The following PRSS16 variants were observed in gnomAD, a reference collection of about 807,000 sequenced individuals.
The protein encoded by PRSS16 is serine protease 16, also known as thymus-specific serine protease.
In PRSS16, 43 loss-of-function variants were observed where a neutral mutation model predicts 61.7. The ratio of observed to expected loss-of-function variants is 0.70; its 90% CI spans 0.55 to 0.90. The LOEUF is 0.90. PRSS16 is among the 40% of genes least tolerant of loss of function. PRSS16 has a pLI of 0.00. For synonymous variants in PRSS16, 273 were observed against 285.2 expected (o/e 0.96, Z 0.43); for missense variants, 591 against 659.1 (o/e 0.90, Z 1.13).
intron 4 of PRSS16, among the ~76,000 whole-genome samples, chr6:27,249,442 T>C (rs565148024): frequency 6.6e-6 from 1 of 152,260 alleles, no homozygotes; most frequent in South Asian, 2.1e-4. Flanking sequence ...TTATCCTGTG[T>C]TCTTTCTATT....
Position 27,255,447 on chromosome 6 carries a change from A to T in PRSS16, c.*132A>T. Reference sequence around the variant, plus strand: ...GGAATTCAGCACCTGTTCCGCACGTAATTGGCATGTGTCTGCAAACATCCT... The same window carrying T: ...GGAATTCAGCACCTGTTCCGCACGTTATTGGCATGTGTCTGCAAACATCCT... On this transcript the variant is annotated 3_prime_UTR_variant, in exon 12 of 12. Transcript: ENST00000230582. The surrounding 1 kb of genome is among the most constrained non-coding windows in gnomAD (Gnocchi z 4.4). The T allele has an allele frequency of 2.2e-6, 2 of 891,072 alleles. No individual in the cohort carries two copies. Among genetic ancestry groups the T allele is most frequent in the Non-Finnish European group, 3.4e-6 (2 of 582,430 alleles). 55.2% of individuals were successfully genotyped at this position (891,072 alleles called of 1,614,324 possible).
chr6:27,250,824 G>A lies in PRSS16; in HGVS notation c.591+18G>A, dbSNP rs1254943847. On this transcript the variant is annotated intron_variant, in intron 5 of 11. Coordinates refer to ENST00000230582, the MANE Select transcript of PRSS16 (RefSeq NM_005865.4). ...GGCTGAAGGTCCTGCGACTCCTCCGGGTGGGCTGGGGGGAGGGAACTCGGA... is the reference window on the plus strand; with the variant it reads ...GGCTGAAGGTCCTGCGACTCCTCCGAGTGGGCTGGGGGGAGGGAACTCGGA... 1 of 1,595,148 alleles carries A rather than the reference G, an allele frequency of 6.3e-7. No individual in the cohort carries two copies. Among genetic ancestry groups the A allele is most frequent in the African/African-American group, 1.3e-5 (1 of 74,486 alleles).
At chr6:27,250,561 C>T in intron 4 of PRSS16, 122 bp from the exon 5 acceptor site, 6 of 1,397,746 alleles carry the variant, frequency 4.3e-6, no homozygotes, top group Non-Finnish European at 5.8e-6. Flanking sequence ...CATGAGAAAA[C>T]GGCCCTGGTT....
At position 27,247,743 on chromosome 6, in the gene PRSS16, C is replaced by T. The variant is rs146400295; in HGVS notation, c.6C>T (p.Ala2=). The change falls in exon 1 of 12, where the codon GCC becomes GCT. Residue 2 remains alanine (A), a synonymous_variant. Transcript: ENST00000230582. The stretch of plus-strand genomic sequence containing the variant: ...AGAACAGAGTCCCGAACACCATGGC[C>T]GTCTGGCTTGCCCAGTGGCTGGGCC... The part of the protein sequence containing the change: M[A]VWLAQWLGPL... 60 of 1,573,824 alleles carry T rather than the reference C, an allele frequency of 3.8e-5. No homozygotes were observed. In the East Asian group the frequency reaches 8.0e-4, roughly 21 times the overall value.
intron 4 of PRSS16, among the ~76,000 whole-genome samples, chr6:27,250,427 C>T (rs1435680817): frequency 6.6e-6 from 1 of 152,212 alleles, no homozygotes; most frequent in Non-Finnish European, 1.5e-5. Context: ...TCCTCTCCTA[C>T]CTAAAACGAG....
In PRSS16 at chr6:27,251,677, G is replaced by A; in HGVS notation, c.718-73G>A. On this transcript the variant is annotated intron_variant, in intron 7 of 11. Coordinates refer to ENST00000230582, the MANE Select transcript of PRSS16 (RefSeq NM_005865.4). This position sits in a 1 kb window ranked among gnomAD's most constrained non-coding sequence, Gnocchi z 5.6. ...AGGGGAAAGTGGGGAACCCAAGGAG[G>A]ACGCAGGTCCTGGGTAGGGAAAGCC... 6.6e-7 allele frequency: 1 copy of A among 1,513,800 alleles called. No homozygotes were observed. The highest frequency in any genetic ancestry group is 8.8e-7 in the Non-Finnish European group (1 of 1,142,208). The allele number at this position is 1,513,800 out of a possible 1,614,324, so 93.8% of individuals were successfully genotyped here. A position where few individuals can be genotyped will look rare whatever the true frequency, so the allele number is the denominator to read the frequency against.
rs374127733 is a variant in PRSS16, at chr6:27,251,857, G to A, written c.825G>A (p.Leu275=). The A allele has an allele frequency of 6.2e-7, 1 of 1,613,224 alleles. No homozygotes were observed. Among genetic ancestry groups the A allele is most frequent in the Non-Finnish European group, 8.5e-7 (1 of 1,179,778 alleles). ...CGGAGCTGAGCGCTTGCGGGCCCCTGGGCCGCGCTGAAAACCAGGCGGAGC... is the reference window on the plus strand; with the variant it reads ...CGGAGCTGAGCGCTTGCGGGCCCCTAGGCCGCGCTGAAAACCAGGCGGAGC... The part of the protein sequence containing the change: ...LRTELSACGP[L]GRAENQAELL... Residue 275 remains leucine (L), a synonymous_variant, in exon 8 of 12, where the codon CTG becomes CTA. Transcript: ENST00000230582. This position sits in a 1 kb window ranked among gnomAD's most constrained non-coding sequence, Gnocchi z 5.6.
Position 27,251,615 on chromosome 6 carries a change from G to GGGGGCGGGGGCCT in PRSS16, c.718-133_718-132insGGCGGGGGCCTGG. On this transcript the variant is annotated intron_variant, in intron 7 of 11. Transcript: ENST00000230582. This position sits in a 1 kb window ranked among gnomAD's most constrained non-coding sequence, Gnocchi z 5.6. ...GGCGGGGGCCTGGGGGCGGGGGCCT[G>GGGGGCGGGGGCCT]GGCCAAGAGCTAGGTCTGCACCCTC... The GGGGGCGGGGGCCT allele has an allele frequency of 8.6e-7, 1 of 1,164,296 alleles. No homozygotes were observed. The highest frequency in any genetic ancestry group is 1.2e-6 in the Non-Finnish European group (1 of 864,632). 72.1% of individuals were successfully genotyped at this position (1,164,296 alleles called of 1,614,324 possible). A position where few individuals can be genotyped will look rare whatever the true frequency, so the allele number is the denominator to read the frequency against.
At chr6:27,253,490 T>C in intron 9 of PRSS16, 1 of 454,534 alleles carries the variant, frequency 2.2e-6, no homozygotes, top group Non-Finnish European at 4.4e-6. Flanking sequence ...CAGAGATCCT[T>C]GTAAATATAA....
In PRSS16 at chr6:27,247,948, G is replaced by A. The variant is rs1581472320; in HGVS notation, c.137G>A (p.Gly46Asp). 6.2e-7 allele frequency: 1 copy of A among 1,606,846 alleles called. No homozygotes were observed. The highest frequency in any genetic ancestry group is 8.5e-7 in the Non-Finnish European group (1 of 1,176,802). Residue 46 changes from glycine (G) to aspartate (D), a missense_variant, in exon 2 of 12, where the codon GGC (glycine) becomes GAC (aspartate). By Grantham distance (94) the Gly-to-Asp change is moderately conservative. Coordinates refer to ENST00000230582, the MANE Select transcript of PRSS16 (RefSeq NM_005865.4). ...CAGGAGAGCTCTGCCCAGGGCCTGG[G>A]CCTGAGCCTGGGGCCAGGTGCTGCA... is the stretch of plus-strand genomic sequence containing the variant. ...QFQESSAQGLGLSLGPGAAAL... is the reference protein window; with the variant it reads ...QFQESSAQGLDLSLGPGAAAL...
chr6:27,249,467 T>C (rs1759822030), intron 4 of PRSS16, among the ~76,000 whole-genome samples: 1 of 152,176 alleles, frequency 6.6e-6, no homozygotes, highest in Non-Finnish European at 1.5e-5. Context: ...CGTCTCTGTC[T>C]GAAGTAAGCC....
At chr6:27,249,877 C>T (rs555352005) in intron 4 of PRSS16, among the ~76,000 whole-genome samples, 1 of 152,316 alleles carries the variant, frequency 6.6e-6, no homozygotes. Flanking sequence ...GTGGCCTTCC[C>T]CTAGATGTTT....
rs1759798768 is a variant in PRSS16 at position 27,248,878 on chromosome 6, G to C, written c.269G>C (p.Gly90Ala). 2 of 1,612,620 alleles carry C rather than the reference G, an allele frequency of 1.2e-6. No homozygotes were observed. The highest frequency in any genetic ancestry group is 8.5e-7 in the Non-Finnish European group (1 of 1,179,222). Reference protein sequence around the residue: ...RYWVNDQHWVGQDGPIFLHLG... With the variant: ...RYWVNDQHWVAQDGPIFLHLG... ...TGGGTGAATGACCAACATTGGGTTG[G>C]CCAGGATGGACCCATATTCCTGCAT... is the stretch of plus-strand genomic sequence containing the variant. Residue 90 changes from glycine to alanine, a missense_variant, in exon 3 of 12, where the codon GGC becomes GCC. Transcript: ENST00000230582.
chr6:27,252,997 T>A lies in PRSS16; in HGVS notation c.1150+48T>A. 1 of 1,613,048 alleles carries A rather than the reference T, an allele frequency of 6.2e-7. No homozygotes were observed. Among genetic ancestry groups the A allele is most frequent in the Non-Finnish European group, 8.5e-7 (1 of 1,179,168 alleles). On this transcript the variant is annotated intron_variant, in intron 9 of 11. Coordinates refer to ENST00000230582, the MANE Select transcript of PRSS16 (RefSeq NM_005865.4). This position sits in a 1 kb window ranked among gnomAD's most constrained non-coding sequence, Gnocchi z 4.2. Reference sequence around the variant, plus strand: ...ACTTTGTCCCCTCAAACAACCTTTTTACTATGCCCAGAGAAGTCATCTTAC... The same window carrying A: ...ACTTTGTCCCCTCAAACAACCTTTTAACTATGCCCAGAGAAGTCATCTTAC...
At position 27,251,012 on chromosome 6, in the gene PRSS16, C is replaced by G. The variant is rs2113730151; in HGVS notation, c.592-30C>G. On this transcript the variant is annotated intron_variant, in intron 5 of 11. Coordinates refer to ENST00000230582, the MANE Select transcript of PRSS16 (RefSeq NM_005865.4). The surrounding 1 kb of genome is among the most constrained non-coding windows in gnomAD (Gnocchi z 5.6). ...AAGATATGCGATTCCAACCCCTCAG[C>G]CCGCAGGCTGACGGCGTCTCCTCCC... The G allele has an allele frequency of 6.2e-7, 1 of 1,612,014 alleles. No homozygotes were observed.
Position 27,252,701 on chromosome 6 carries a change from A to T in PRSS16, c.1009-107A>T. ...GACTCCCAGGAGAACTCAGGAACTCACCCTTCTATTTCTGACTTTTGACCT... is the reference window on the plus strand; with the variant it reads ...GACTCCCAGGAGAACTCAGGAACTCTCCCTTCTATTTCTGACTTTTGACCT... On this transcript the variant is annotated intron_variant, in intron 8 of 11. Coordinates refer to ENST00000230582, the MANE Select transcript of PRSS16 (RefSeq NM_005865.4). The surrounding 1 kb of genome is among the most constrained non-coding windows in gnomAD (Gnocchi z 4.2). 1 of 1,263,504 alleles carries T rather than the reference A, an allele frequency of 7.9e-7. No homozygotes were observed. Among genetic ancestry groups the T allele is most frequent in the Non-Finnish European group, 1.1e-6 (1 of 898,104 alleles). 78.3% of individuals were successfully genotyped at this position (1,263,504 alleles called of 1,614,324 possible).
intron 3 of PRSS16, 30 bp from the exon 4 acceptor site, chr6:27,249,062 TCTCACCTC>T: frequency 1.7e-6 from 2 of 1,175,308 alleles, no homozygotes; most frequent in Non-Finnish European, 2.4e-6. Flanking sequence ...TCAACTTGCA[TCTCACCTC>T]CCCACCCCCC....
chr6:27,255,656 T>C lies in PRSS16; in HGVS notation c.*341T>C. ...CCACTCCAGCTCCTGGGTTAGGGGC[T>C]TTGCTGTAAGTTTCTTTTTCTGGAC... On this transcript the variant is annotated 3_prime_UTR_variant, in exon 12 of 12. Transcript: ENST00000230582. This position sits in a 1 kb window ranked among gnomAD's most constrained non-coding sequence, Gnocchi z 4.4. 4.2e-6 allele frequency: 1 copy of C among 239,902 alleles called. No homozygotes were observed. The highest frequency in any genetic ancestry group is 8.3e-6 in the Non-Finnish European group (1 of 120,892). The allele number at this position is 239,902 out of a possible 1,614,324, so 14.9% of individuals were successfully genotyped here.
In PRSS16 at chr6:27,252,939, G is replaced by A; in HGVS notation, c.1140G>A (p.Glu380=). Residue 380 remains glutamate, a synonymous_variant, in exon 9 of 12, where the codon GAG becomes GAA. Coordinates refer to ENST00000230582, the MANE Select transcript of PRSS16 (RefSeq NM_005865.4). This position sits in a 1 kb window ranked among gnomAD's most constrained non-coding sequence, Gnocchi z 4.2. The part of the protein sequence containing the change: ...DRQWLYQTCT[E]FGFYVTCENP... ...AGTGGTTGTATCAGACATGTACCGA[G>A]TTCGGCTTCTGTAAGTGACTGGCCT... is the stretch of plus-strand genomic sequence containing the variant. 1.2e-6 allele frequency: 2 copies of A among 1,614,166 alleles called. No homozygotes were observed. The highest frequency in any genetic ancestry group is 8.5e-7 in the Non-Finnish European group (1 of 1,180,032).
Sources: gnomAD v4.1 joint callset for allele counts (sites outside exome capture counted in the v4.1 genomes callset) on GRCh38, gnomAD v4.1.1 for gene constraint, Gnocchi (gnomAD v3.1) non-coding constraint, MANE v1.5 for transcripts, NCBI Gene and HGNC (gene_info 2026-07-23, HGNC 2026-07-21) for gene names.